DYNC2I1: variants seen among roughly 807,000 people sequenced by gnomAD.
DYNC2I1 encodes the protein cytoplasmic dynein 2 intermediate chain 1.
In DYNC2I1, 89 loss-of-function variants were observed where a neutral mutation model predicts 133.4. The ratio of observed to expected loss-of-function variants is 0.67; its 90% CI spans 0.56 to 0.80. The LOEUF is 0.80. Ranked by LOEUF, DYNC2I1 falls within the 30% of genes least tolerant of loss-of-function variation. The pLI is 0.00. For missense variants in DYNC2I1, 1,291 were observed against 1,314.5 expected, an observed-to-expected ratio of 0.98 and a Z score of 0.28; for synonymous variants, 504 against 484.3, an observed-to-expected ratio of 1.04 and a Z score of -0.54.
intron 1 of DYNC2I1, among the ~76,000 whole-genome samples, chr7:158,868,506 C>T (rs556708842): frequency 2.0e-5 from 3 of 152,322 alleles, no homozygotes; most frequent in East Asian, 1.9e-4. Context: ...AGGAGCTGGA[C>T]GGTGTTTTTG....
At chr7:158,929,014 G>C (rs1242020664) in intron 20 of DYNC2I1, among the ~76,000 whole-genome samples, 12 of 152,210 alleles carry the variant, frequency 7.9e-5, no homozygotes, top group Non-Finnish European at 1.2e-4. Flanking sequence ...CAAATGTTTT[G>C]TAGTACATGA....
At chr7:158,943,721 C>T (rs1393737194) in intron 24 of DYNC2I1, among the ~76,000 whole-genome samples, 1 of 152,096 alleles carries the variant, frequency 6.6e-6, no homozygotes, top group East Asian at 1.9e-4. Context: ...TAGCAGGTTA[C>T]GCACCCTTCG....
intron 15 of DYNC2I1, among the ~76,000 whole-genome samples, chr7:158,919,949 G>A (rs1019592343): frequency 2.0e-5 from 3 of 151,992 alleles, no homozygotes; most frequent in African/African-American, 4.8e-5. Context: ...CATGGCCTCC[G>A]TCGGAGAACA....
chr7:158,926,304 C>CTCAAGAAA lies in DYNC2I1; in HGVS notation c.2371+4_2371+5insTCAAGAAA. 1 of 1,608,372 alleles carries CTCAAGAAA rather than the reference C, an allele frequency of 6.2e-7. No homozygotes were observed. The highest frequency in any genetic ancestry group is 8.5e-7 in the Non-Finnish European group (1 of 1,177,010). ...TCACCCTTTTCTACTCAAGAAGGTACGTGATTCTTCACTTTCTTAAAATCC... is the reference window on the plus strand; with the variant it reads ...TCACCCTTTTCTACTCAAGAAGGTACTCAAGAAAGTGATTCTTCACTTTCTTAAAATCC... On this transcript the variant is annotated splice_donor_region_variant and intron_variant, in intron 18 of 24. Coordinates refer to ENST00000407559, the MANE Select transcript of DYNC2I1 (RefSeq NM_018051.5).
At chr7:158,856,504 TCC>T, upstream of DYNC2I1, 1 of 398,338 alleles carries the variant, frequency 2.5e-6, no homozygotes, top group Non-Finnish European at 4.3e-6. Flanking sequence ...CACTCGGCCT[TCC>T]CCTGCTCCTG....
intron 1 of DYNC2I1, among the ~76,000 whole-genome samples, chr7:158,857,032 C>G (rs941823142): frequency 6.6e-6 from 1 of 152,046 alleles, no homozygotes; most frequent in Non-Finnish European, 1.5e-5. Context: ...TCCTCGCGCC[C>G]GGCCTGGAGG....
rs752382121 is a variant in DYNC2I1, at chr7:158,884,617, C to T, written c.933C>T (p.Ser311=). 3 of 1,613,102 alleles carry T rather than the reference C, an allele frequency of 1.9e-6. No homozygotes were observed. The highest frequency in any genetic ancestry group is 2.5e-6 in the Non-Finnish European group (3 of 1,179,514). Residue 311 remains serine (S), a splice_region_variant and synonymous_variant, in exon 6 of 25, where the codon AGC becomes AGT. Coordinates refer to ENST00000407559, the MANE Select transcript of DYNC2I1 (RefSeq NM_018051.5). ...GCTCAAAAAGAGATGGGACCAGCAG[C>T]CAGTAAGGATTGCATGCCCTGTGGT... ...GASSKRDGTS[S]QHAENLVRNH...
intron 20 of DYNC2I1, among the ~76,000 whole-genome samples, chr7:158,929,871 A>G (rs527624799): frequency 6.6e-6 from 1 of 152,342 alleles, no homozygotes; most frequent in Admixed American, 6.5e-5. Context: ...GCTTTCAGGA[A>G]GGAAAGGAAG....
chr7:158,840,023 C>A, the DYNC2I1 span, among the ~76,000 whole-genome samples: 1 of 152,134 alleles, frequency 6.6e-6, no homozygotes, highest in Non-Finnish European at 1.5e-5. Flanking sequence ...CTGTGTCGTC[C>A]AGGCTGGTCT....
At chr7:158,863,107 A>C (rs1014038345) in intron 1 of DYNC2I1, among the ~76,000 whole-genome samples, 2 of 97,498 alleles carry the variant, frequency 2.1e-5, no homozygotes, top group Admixed American at 3.0e-4. Flanking sequence ...GCAGGTTGCC[A>C]CTGCTGGCTG....
intron 14 of DYNC2I1, 64 bp downstream of exon 14, chr7:158,914,385 A>G: frequency 3.9e-6 from 5 of 1,297,936 alleles, no homozygotes; most frequent in Non-Finnish European, 5.4e-6. Flanking sequence ...TCTACATAGA[A>G]ACATAGGAGC....
In DYNC2I1 at chr7:158,912,999, T is replaced by C. The variant is rs370434544; in HGVS notation, c.1605T>C (p.Cys535=). Residue 535 remains cysteine, a synonymous_variant, in exon 13 of 25, where the codon TGT becomes TGC. Coordinates refer to ENST00000407559, the MANE Select transcript of DYNC2I1 (RefSeq NM_018051.5). ...TTGTTTTTAAGGCATATGTTCAGTGTAACGAAGATAATGTTGAAAGAGACA... is the reference window on the plus strand; with the variant it reads ...TTGTTTTTAAGGCATATGTTCAGTGCAACGAAGATAATGTTGAAAGAGACA... ...KKNTKQAYVQ[C]NEDNVERDIQ... 2.2e-5 allele frequency: 36 copies of C among 1,612,166 alleles called. No individual in the cohort carries two copies. In the African/African-American group the frequency reaches 3.5e-4, roughly 16 times the overall value.
At position 158,871,513 on chromosome 7, in the gene DYNC2I1, G is replaced by A. The variant is rs1842871675; in HGVS notation, c.441G>A (p.Glu147=). The A allele has an allele frequency of 1.3e-6, 2 of 1,546,048 alleles. No individual in the cohort carries two copies. Among genetic ancestry groups the A allele is most frequent in the Non-Finnish European group, 1.7e-6 (2 of 1,146,810 alleles). The change falls in exon 3 of 25, where the codon GAG becomes GAA. Residue 147 remains glutamate, a synonymous_variant. Coordinates refer to ENST00000407559, the MANE Select transcript of DYNC2I1 (RefSeq NM_018051.5). ...TVAHHNLLGQ[E]TRDRQLLERA... The stretch of plus-strand genomic sequence containing the variant: ...CCCACCACAACCTGCTGGGCCAGGA[G>A]ACACGCGACCGGCAGCTCCTGGAGC...
At position 158,856,596 on chromosome 7, in the gene DYNC2I1, C is replaced by T. The variant is rs1477600011; in HGVS notation, c.-140C>T. On this transcript the variant is annotated 5_prime_UTR_variant, in exon 1 of 25. Coordinates refer to ENST00000407559, the MANE Select transcript of DYNC2I1 (RefSeq NM_018051.5). ...GGGCACGCTGGGCAGTGCTTCTGGG[C>T]CCTCTGCTGCTCCTGCTTGTCGGTT... 1.0e-5 allele frequency: 9 copies of T among 866,578 alleles called. No homozygotes were observed. The highest frequency in any genetic ancestry group is 1.4e-5 in the Non-Finnish European group (9 of 655,856). The allele number at this position is 866,578 out of a possible 1,614,324, so 53.7% of individuals were successfully genotyped here.
chr7:158,869,796 C>A, intron 1 of DYNC2I1, 59 bp from the exon 2 acceptor site: 1 of 1,361,422 alleles, frequency 7.3e-7, no homozygotes, highest in Non-Finnish European at 1.0e-6. Flanking sequence ...AAAAGCAGCT[C>A]ACTACAACAC....
the DYNC2I1 span, among the ~76,000 whole-genome samples, chr7:158,844,006 G>A: frequency 1.3e-5 from 2 of 152,294 alleles, no homozygotes; most frequent in South Asian, 2.1e-4. Flanking sequence ...TGGAAAGAAA[G>A]GAATTGCAGG....
upstream of DYNC2I1, among the ~76,000 whole-genome samples, chr7:158,853,975 A>G (rs924006794): frequency 2.7e-5 from 4 of 147,894 alleles, no homozygotes; most frequent in African/African-American, 1.0e-4. Context: ...TGCTCAAATC[A>G]GTGTCCCCCA....
intron 1 of DYNC2I1, among the ~76,000 whole-genome samples, chr7:158,862,779 T>C (rs1841975948): frequency 1.3e-5 from 2 of 151,824 alleles, no homozygotes; most frequent in Admixed American, 1.3e-4. Context: ...TTAAAGATGG[T>C]GTGTCCGGAG....
In DYNC2I1 at chr7:158,879,937, T is replaced by A; in HGVS notation, c.827T>A (p.Val276Glu). 6.2e-7 allele frequency: 1 copy of A among 1,605,622 alleles called. No individual in the cohort carries two copies. Among genetic ancestry groups the A allele is most frequent in the Non-Finnish European group, 8.5e-7 (1 of 1,177,868 alleles). ...HFDDERHQSN[V>E]DRKEKSAKDE... ...GATGATGAGAGGCACCAAAGCAACG[T>A]GGATAGAAAAGAGAAATCGGCAAAA... The change falls in exon 5 of 25, where the codon GTG (valine) becomes GAG (glutamate). Residue 276 changes from valine (V) to glutamate (E), a missense_variant. Coordinates refer to ENST00000407559, the MANE Select transcript of DYNC2I1 (RefSeq NM_018051.5).
Sources: allele counts gnomAD v4.1 joint callset (sites outside exome capture counted in the v4.1 genomes callset), GRCh38; gene constraint gnomAD v4.1.1; transcripts MANE v1.5; gene names NCBI Gene and HGNC (gene_info 2026-07-23, HGNC 2026-07-21).